Variants in SLC35F3 observed in about 807,000 individuals in gnomAD.
SLC35F3 encodes putative thiamine transporter SLC35F3.
Under a neutral mutation model 49.9 loss-of-function variants are expected in SLC35F3, and 25 were observed. The ratio of observed to expected loss-of-function variants is 0.50; its 90% confidence interval spans 0.37 to 0.70. SLC35F3 has a LOEUF of 0.70. SLC35F3 is among the 30% of genes least tolerant of loss of function. The probability of loss-of-function intolerance (pLI) is 0.00; values close to 1 mark genes in which losing one functional copy is unlikely to be tolerated. For missense variants in SLC35F3, 525 were observed against 639.8 expected (o/e 0.82, Z 1.94); for synonymous variants, 275 against 265.4 (o/e 1.04, Z -0.35).
At chr1:234,035,067 A>C (rs2102850209) in intron 2 of SLC35F3, among the ~76,000 whole-genome samples, 2 of 152,270 alleles carry the variant, frequency 1.3e-5, no homozygotes, top group South Asian at 4.1e-4. Context: ...CGCAGCTGTC[A>C]TCCTGGCATC....
intron 3 of SLC35F3, among the ~76,000 whole-genome samples, chr1:234,253,977 A>AT (rs1667779050): frequency 6.6e-6 from 1 of 152,248 alleles, no homozygotes; most frequent in South Asian, 2.1e-4. Flanking sequence ...TGCCTCTCAC[A>AT]TGGGGATCCT....
chr1:234,117,976 A>AG (rs1665519085), intron 2 of SLC35F3, among the ~76,000 whole-genome samples: 1 of 139,640 alleles, frequency 7.2e-6, no homozygotes, highest in Non-Finnish European at 1.6e-5. Context: ...ATATATATAT[A>AG]AAACCACAAG....
chr1:233,943,730 G>A (rs1280161146), intron 2 of SLC35F3, among the ~76,000 whole-genome samples: 3 of 152,228 alleles, frequency 2.0e-5, no homozygotes, highest in African/African-American at 7.2e-5. Context: ...AAGGAAAGGT[G>A]TAAAAAGATA....
intron 3 of SLC35F3, among the ~76,000 whole-genome samples, chr1:234,267,057 A>G (rs376511768): frequency 0.043 from 6,014 of 140,328 alleles, 172 homozygotes; most frequent in African/African-American, 0.083. Context: ...CTGGGTACTT[A>G]AGATTAGGGA....
At chr1:234,283,598 C>T (rs575788728) in intron 3 of SLC35F3, among the ~76,000 whole-genome samples, 3 of 152,246 alleles carry the variant, frequency 2.0e-5, no homozygotes, top group Non-Finnish European at 2.9e-5. Flanking sequence ...TTGGCTGCTA[C>T]GGAAAGATAG....
At chr1:233,915,063 C>T (rs149272201) in intron 2 of SLC35F3, among the ~76,000 whole-genome samples, 1 of 152,298 alleles carries the variant, frequency 6.6e-6, no homozygotes, top group Non-Finnish European at 1.5e-5. Flanking sequence ...GTTTTGAACT[C>T]CTCAAACAGA....
intron 2 of SLC35F3, among the ~76,000 whole-genome samples, chr1:233,908,755 C>T (rs1452079715): frequency 6.6e-6 from 1 of 151,496 alleles, no homozygotes; most frequent in East Asian, 1.9e-4. Flanking sequence ...AGGCTGGTCT[C>T]GAACTCCTGA....
chr1:234,020,654 G>C (rs369043949), intron 2 of SLC35F3, among the ~76,000 whole-genome samples: 6 of 152,160 alleles, frequency 3.9e-5, no homozygotes, highest in African/African-American at 1.4e-4. Context: ...ATTAACTTGA[G>C]AAGATTGTAA....
intron 2 of SLC35F3, among the ~76,000 whole-genome samples, chr1:234,161,862 C>G (rs1018982266): frequency 6.6e-6 from 1 of 152,104 alleles, no homozygotes; most frequent in Non-Finnish European, 1.5e-5. Context: ...GCCCAACCCC[C>G]TGGGCACCCT....
At position 233,967,253 on chromosome 1, in the gene SLC35F3, C is replaced by G. The variant is rs970429172; in HGVS notation, c.283+61495C>G. On this transcript the variant is annotated intron_variant, in intron 2 of 7. Coordinates refer to ENST00000366618, the MANE Select transcript of SLC35F3 (RefSeq NM_173508.4). ...TTCAATGAAAAATGCAAGCCCCCCC[C>G]ACCCCAAACATGTGTTTGAAGTTTT... 9.9e-5 allele frequency among the ~76,000 whole-genome samples: 15 copies of G among 152,182 alleles called. No individual in the cohort carries two copies. In the East Asian group the frequency reaches 1.4e-3, roughly 14 times the overall value.
intron 3 of SLC35F3, among the ~76,000 whole-genome samples, chr1:234,271,879 C>A (rs1035640677): frequency 1.3e-5 from 2 of 152,134 alleles, no homozygotes; most frequent in African/African-American, 2.4e-5. Context: ...AATCCCAGAA[C>A]TTTGGGAGGC....
chr1:234,311,641 A>G (rs748754861), intron 4 of SLC35F3, among the ~76,000 whole-genome samples: 16 of 152,234 alleles, frequency 1.1e-4, no homozygotes, highest in Non-Finnish European at 2.1e-4. Flanking sequence ...AACGTGTCTT[A>G]TCATGCTGGG....
intron 2 of SLC35F3, among the ~76,000 whole-genome samples, chr1:234,057,540 G>A (rs1664473902): frequency 6.6e-6 from 1 of 152,094 alleles, no homozygotes; most frequent in Non-Finnish European, 1.5e-5. Context: ...TAGCTGTTTA[G>A]TGGATTTCTT....
chr1:234,287,650 G>A (rs1295883861), intron 3 of SLC35F3, among the ~76,000 whole-genome samples: 1 of 152,202 alleles, frequency 6.6e-6, no homozygotes, highest in Non-Finnish European at 1.5e-5. Flanking sequence ...GTGAGACACA[G>A]AGAGGTTAAG....
chr1:233,918,999 T>A (rs1662018587), intron 2 of SLC35F3, among the ~76,000 whole-genome samples: 1 of 152,152 alleles, frequency 6.6e-6, no homozygotes, highest in African/African-American at 2.4e-5. Flanking sequence ...GACAGATGAA[T>A]AAAATGTGGC....
chr1:234,110,541 TTG>T (rs1275404591), intron 2 of SLC35F3, among the ~76,000 whole-genome samples: 1 of 152,258 alleles, frequency 6.6e-6, no homozygotes, highest in Non-Finnish European at 1.5e-5. Flanking sequence ...ATGGATAAAA[TTG>T]TGTTTTAAAT....
chr1:234,148,608 A>G (rs953823339), intron 2 of SLC35F3, among the ~76,000 whole-genome samples: 1 of 152,190 alleles, frequency 6.6e-6, no homozygotes, highest in African/African-American at 2.4e-5. Flanking sequence ...ATCATGAAAC[A>G]CTGATGATTT....
chr1:234,286,524 G>A (rs1409120402), intron 3 of SLC35F3, among the ~76,000 whole-genome samples: 2 of 152,198 alleles, frequency 1.3e-5, no homozygotes, highest in Non-Finnish European at 2.9e-5. Context: ...GTAACAAACT[G>A]TAGTAATTTG....
At chr1:234,062,965 AG>A (rs1461214615) in intron 2 of SLC35F3, among the ~76,000 whole-genome samples, 3 of 151,742 alleles carry the variant, frequency 2.0e-5, no homozygotes, top group Non-Finnish European at 4.4e-5. Flanking sequence ...CTGGGATTAC[AG>A]GTGTGAGCCA....
Sources: gnomAD v4.1 joint callset for allele counts (sites outside exome capture counted in the v4.1 genomes callset) on GRCh38, gnomAD v4.1.1 for gene constraint, MANE v1.5 for transcripts, NCBI Gene and HGNC (gene_info 2026-07-23, HGNC 2026-07-21) for gene names.